The following DIAPH2 variants were observed in gnomAD, a reference collection of about 807,000 sequenced individuals.
The protein encoded by DIAPH2 is diaphanous related formin 2, also known as protein diaphanous homolog 2.
DIAPH2 carries 35 observed loss-of-function variants against 92.7 expected under a neutral mutation model. The ratio of observed to expected loss-of-function variants is 0.38; its 90% CI spans 0.29 to 0.50. The LOEUF (loss-of-function observed/expected upper bound fraction) is 0.50. Among genes scored for constraint, DIAPH2 ranks in the 20% least tolerant of loss-of-function variants. The pLI is 0.94. For missense variants in DIAPH2, 701 were observed against 819.5 expected, an observed-to-expected ratio of 0.86 and a Z score of 1.77; for synonymous variants, 301 against 280.4, an observed-to-expected ratio of 1.07 and a Z score of -0.73.
chrX:96,784,492 A>G (rs442950), intron 4 of DIAPH2, among the ~76,000 whole-genome samples: 45,927 of 110,568 alleles, frequency 0.42, 8,214 homozygotes, highest in African/African-American at 0.7. Context: ...TCTCAAACCC[A>G]TGTAAAAACA....
intron 22 of DIAPH2, among the ~76,000 whole-genome samples, chrX:97,162,009 A>G (rs1333845739): frequency 9.0e-6 from 1 of 111,235 alleles, no homozygotes; most frequent in African/African-American, 3.3e-5. Flanking sequence ...TCTTGTATGC[A>G]TCTCTTAGTA....
At chrX:96,969,618 G>A (rs1018126443) in intron 17 of DIAPH2, among the ~76,000 whole-genome samples, 4 of 110,887 alleles carry the variant, frequency 3.6e-5, no homozygotes, top group African/African-American at 1.3e-4. Context: ...TTTTTTATGT[G>A]TTCCAGGAAC....
At chrX:96,920,281 G>A (rs1352714820) in intron 9 of DIAPH2, among the ~76,000 whole-genome samples, 1 of 111,250 alleles carries the variant, frequency 9.0e-6, no homozygotes, top group Non-Finnish European at 1.9e-5. Context: ...GCCTTTTTTA[G>A]ATGACTTTGA....
At chrX:96,994,131 A>T (rs762558972) in intron 17 of DIAPH2, among the ~76,000 whole-genome samples, 1 of 112,129 alleles carries the variant, frequency 8.9e-6, no homozygotes, top group Admixed American at 9.4e-5. Context: ...TTTAGGATTG[A>T]TGGGAGAAAA....
At position 96,876,003 on chromosome X, in the gene DIAPH2, C is replaced by T. The variant is rs992725690; in HGVS notation, c.448-5576C>T. ...CCTACAGAATGGGAGAAAATTTTTG[C>T]AATCTGCTCATCTGACAAAGGGCTA... On this transcript the variant is annotated intron_variant, in intron 4 of 26. Transcript: ENST00000324765. Among the ~76,000 whole-genome samples, 3 of 109,845 alleles carry T rather than the reference C, an allele frequency of 2.7e-5. No individual in the cohort carries two copies. The South Asian group carries it at 1.3e-3, about 47-fold the overall frequency.
intron 5 of DIAPH2, among the ~76,000 whole-genome samples, chrX:96,899,487 C>A (rs2065376077): frequency 9.0e-6 from 1 of 111,092 alleles, no homozygotes; most frequent in South Asian, 3.8e-4. Context: ...CTCTTTGAGG[C>A]AATTGTGAAT....
At chrX:97,588,448 T>A (rs2071492661) in intron 26 of DIAPH2, among the ~76,000 whole-genome samples, 1 of 110,772 alleles carries the variant, frequency 9.0e-6, no homozygotes, top group Non-Finnish European at 1.9e-5. Flanking sequence ...CAGTACCTTT[T>A]ACCATCAAAG....
intron 22 of DIAPH2, among the ~76,000 whole-genome samples, chrX:97,194,964 A>T (rs5920828): frequency 0.34 from 38,148 of 110,615 alleles, 5,153 homozygotes; most frequent in East Asian, 0.63. Context: ...ACCTTACCAT[A>T]TTCTAAAATA....
rs1356428352 is a variant in DIAPH2 at position 97,604,819 on chromosome X, G to A, written c.*5502G>A. On this transcript the variant is annotated 3_prime_UTR_variant, in exon 27 of 27. Coordinates refer to ENST00000324765, the MANE Select transcript of DIAPH2 (RefSeq NM_006729.5). ...AAAGACTGCTTTGAATGGGTATTGA[G>A]GGAGATTGTGTCCATACCAAGCCAC... 1.6e-4 allele frequency: 18 copies of A among 111,753 alleles called. No individual in the cohort carries two copies. The Admixed American group carries it at 1.7e-3, about 11-fold the overall frequency. The allele number at this position is 111,753 out of a possible 1,213,427, so 9.2% of individuals were successfully genotyped here. A position where few individuals can be genotyped will look rare whatever the true frequency, so the allele number is the denominator to read the frequency against.
intron 26 of DIAPH2, among the ~76,000 whole-genome samples, chrX:97,534,703 G>C (rs896434637): frequency 9.0e-6 from 1 of 111,336 alleles, no homozygotes; most frequent in African/African-American, 3.3e-5. Context: ...ATATACATAT[G>C]TAAGGTGAAA....
chrX:97,174,100 TATA>T (rs1458362966), intron 22 of DIAPH2, among the ~76,000 whole-genome samples: 2 of 106,885 alleles, frequency 1.9e-5, no homozygotes, highest in African/African-American at 6.7e-5. Context: ...AAAATTGTTA[TATA>T]ATAAAATATA....
At chrX:97,125,877 AT>A (rs1248781421) in intron 21 of DIAPH2, among the ~76,000 whole-genome samples, 1 of 111,473 alleles carries the variant, frequency 9.0e-6, no homozygotes, top group Non-Finnish European at 1.9e-5. Flanking sequence ...ACAAAAATAC[AT>A]TTTTTTTGTT....
chrX:97,125,847 G>A (rs1001024374), intron 21 of DIAPH2, among the ~76,000 whole-genome samples: 1 of 112,126 alleles, frequency 8.9e-6, no homozygotes, highest in Non-Finnish European at 1.9e-5. Context: ...AACTGGCAGA[G>A]ATGAATACTC....
chrX:97,527,448 C>A (rs972966240), intron 26 of DIAPH2, among the ~76,000 whole-genome samples: 3 of 111,792 alleles, frequency 2.7e-5, no homozygotes, highest in Non-Finnish European at 5.6e-5. Flanking sequence ...CCCTATCTTA[C>A]AAATGGCTGT....
At chrX:96,845,707 T>A (rs1345955302) in intron 4 of DIAPH2, among the ~76,000 whole-genome samples, 2 of 112,632 alleles carry the variant, frequency 1.8e-5, no homozygotes, top group African/African-American at 6.4e-5. Flanking sequence ...CGTTTAACCT[T>A]TGTAATTTAA....
At chrX:96,873,089 A>T (rs1161258962) in intron 4 of DIAPH2, among the ~76,000 whole-genome samples, 1 of 111,298 alleles carries the variant, frequency 9.0e-6, no homozygotes, top group Admixed American at 9.6e-5. Context: ...AGCATTTGTC[A>T]TTGCCTTTCT....
intron 19 of DIAPH2, among the ~76,000 whole-genome samples, chrX:97,084,507 C>T (rs1287936465): frequency 9.0e-6 from 1 of 111,242 alleles, no homozygotes; most frequent in Non-Finnish European, 1.9e-5. Context: ...TCTCCTGGGG[C>T]TTCTTCCTTT....
intron 23 of DIAPH2, among the ~76,000 whole-genome samples, chrX:97,287,702 A>G (rs1331555561): frequency 2.0e-4 from 21 of 106,352 alleles, no homozygotes; most frequent in Non-Finnish European, 7.7e-5. Flanking sequence ...GTGTAAAAAG[A>G]AGTTTTAAAA....
intron 25 of DIAPH2, among the ~76,000 whole-genome samples, chrX:97,391,103 G>A (rs189685515): frequency 4.3e-4 from 48 of 111,338 alleles, no homozygotes; most frequent in Admixed American, 3.9e-3. Flanking sequence ...TCCTTCCATT[G>A]CAAGTGTGTA....
Sources: allele counts gnomAD v4.1 joint callset (sites outside exome capture counted in the v4.1 genomes callset), GRCh38; gene constraint gnomAD v4.1.1; transcripts MANE v1.5; gene names NCBI Gene and HGNC (gene_info 2026-07-23, HGNC 2026-07-21).